The following SLC4A10 variants were observed in gnomAD, a reference collection of about 807,000 sequenced individuals.
SLC4A10 encodes solute carrier family 4 member 10.
SLC4A10 carries 42 observed loss-of-function variants against 137.7 expected under a neutral mutation model. The ratio of observed to expected loss-of-function variants is 0.30; its 90% CI spans 0.24 to 0.39. SLC4A10 has a LOEUF of 0.39. Among genes scored for constraint, SLC4A10 ranks in the 10% least tolerant of loss-of-function variants. SLC4A10 has a pLI of 1.00. For missense variants in SLC4A10, 925 were observed against 1,355.0 expected (o/e 0.68, Z 4.98); for synonymous variants, 474 against 464.1 (o/e 1.02, Z -0.27).
intron 1 of SLC4A10, among the ~76,000 whole-genome samples, chr2:161,735,878 T>C (rs1400200652): frequency 6.6e-6 from 1 of 152,094 alleles, no homozygotes; most frequent in Non-Finnish European, 1.5e-5. Flanking sequence ...GTATCAAAAA[T>C]ATTAAAGAAG....
At chr2:161,883,540 C>T (rs1335638052) in intron 10 of SLC4A10, among the ~76,000 whole-genome samples, 1 of 152,148 alleles carries the variant, frequency 6.6e-6, no homozygotes, top group African/African-American at 2.4e-5. Context: ...TATTAGTTTA[C>T]AACGACTGCC....
intron 1 of SLC4A10, among the ~76,000 whole-genome samples, chr2:161,694,142 C>T (rs2042263496): frequency 6.6e-6 from 1 of 151,906 alleles, no homozygotes; most frequent in African/African-American, 2.4e-5. Flanking sequence ...TGATACATAT[C>T]ATTTATTATT....
intron 1 of SLC4A10, among the ~76,000 whole-genome samples, chr2:161,683,010 T>C (rs2041027264): frequency 6.6e-6 from 1 of 151,974 alleles, no homozygotes; most frequent in Non-Finnish European, 1.5e-5. Context: ...TTATAATATA[T>C]AAATAAGTTT....
chr2:161,947,260 C>A (rs1478109370), intron 16 of SLC4A10, among the ~76,000 whole-genome samples: 2 of 152,024 alleles, frequency 1.3e-5, no homozygotes, highest in Non-Finnish European at 2.9e-5. Flanking sequence ...TTCAATATAT[C>A]TCGTGTTAGG....
intron 1 of SLC4A10, among the ~76,000 whole-genome samples, chr2:161,768,231 C>A (rs941598764): frequency 2.0e-5 from 3 of 151,996 alleles, no homozygotes; most frequent in Non-Finnish European, 4.4e-5. Context: ...CCCACTGGAT[C>A]CACAGTGAGA....
At chr2:161,714,905 T>C (rs898219556) in intron 1 of SLC4A10, among the ~76,000 whole-genome samples, 2 of 151,990 alleles carry the variant, frequency 1.3e-5, no homozygotes, top group African/African-American at 4.8e-5. Context: ...AGTGCCTAGC[T>C]TTTGGTTATT....
intron 15 of SLC4A10, among the ~76,000 whole-genome samples, chr2:161,924,229 A>G (rs1469409701): frequency 6.6e-6 from 1 of 152,126 alleles, no homozygotes; most frequent in Non-Finnish European, 1.5e-5. Flanking sequence ...TCACCAATAC[A>G]GAGGAAGACA....
chr2:161,678,054 C>A (rs182063727), intron 1 of SLC4A10, among the ~76,000 whole-genome samples: 144 of 152,182 alleles, frequency 9.5e-4, no homozygotes, highest in African/African-American at 3.1e-3. Context: ...ACCTCATTTT[C>A]TTGCTTTTAT....
Position 161,697,317 on chromosome 2 carries a change from C to T in SLC4A10, c.48+72751C>T, listed in dbSNP as rs184978673. ...AGAAATTCTGTAGTTTAATTGGCTC[C>T]CATTTGTCAATTTTGGCTTTTGTTG... On this transcript the variant is annotated intron_variant, in intron 1 of 26. Coordinates refer to ENST00000446997, the MANE Select transcript of SLC4A10 (RefSeq NM_001178015.2). Among the ~76,000 whole-genome samples, 724 of 152,186 alleles carry T rather than the reference C, an allele frequency of 4.8e-3. 4 individuals are homozygous for T. Among genetic ancestry groups the T allele is most frequent in the Non-Finnish European group, 8.0e-3 (547 of 68,008 alleles).
intron 16 of SLC4A10, among the ~76,000 whole-genome samples, chr2:161,947,059 C>T (rs2105794941): frequency 6.6e-6 from 1 of 152,208 alleles, no homozygotes; most frequent in East Asian, 1.9e-4. Flanking sequence ...GCTCTGCGGC[C>T]ACCCACCAGT....
In SLC4A10 at chr2:161,655,293, T is replaced by C. The variant is rs145015642; in HGVS notation, c.48+30727T>C. On this transcript the variant is annotated intron_variant, in intron 1 of 26. Coordinates refer to ENST00000446997, the MANE Select transcript of SLC4A10 (RefSeq NM_001178015.2). The stretch of plus-strand genomic sequence containing the variant: ...TATTTAGGTTTGTCTATATATAAAA[T>C]CATGTTCTCAAGAAACAGAGACAAT... 6.6e-3 allele frequency among the ~76,000 whole-genome samples: 1,001 copies of C among 152,306 alleles called. 6 individuals carry two copies. Among genetic ancestry groups the C allele is most frequent in the African/African-American group, 0.023 (947 of 41,560 alleles).
intron 1 of SLC4A10, among the ~76,000 whole-genome samples, chr2:161,685,067 T>G (rs1309833381): frequency 6.6e-6 from 1 of 152,216 alleles, no homozygotes; most frequent in East Asian, 1.9e-4. Flanking sequence ...TTTCATGATT[T>G]GCAGTTGATC....
At chr2:161,776,591 CT>C (rs1236862809) in intron 2 of SLC4A10, among the ~76,000 whole-genome samples, 3 of 151,904 alleles carry the variant, frequency 2.0e-5, no homozygotes, top group Admixed American at 1.3e-4. Flanking sequence ...CACATTTCCC[CT>C]GTCCTTTCAA....
At chr2:161,813,714 T>A (rs896188516) in intron 3 of SLC4A10, among the ~76,000 whole-genome samples, 3 of 152,124 alleles carry the variant, frequency 2.0e-5, no homozygotes, top group Non-Finnish European at 2.9e-5. Flanking sequence ...ATTTATATCA[T>A]CTTACAAGTA....
chr2:161,709,821 G>A (rs942110444), intron 1 of SLC4A10: 3 of 151,550 alleles, frequency 2.0e-5, no homozygotes, highest in Non-Finnish European at 4.4e-5. Flanking sequence ...TTCAGATTTT[G>A]AAGGAAATAT....
intron 15 of SLC4A10, among the ~76,000 whole-genome samples, chr2:161,938,070 A>T (rs1418025960): frequency 1.3e-5 from 2 of 152,134 alleles, no homozygotes; most frequent in African/African-American, 4.8e-5. Flanking sequence ...GCCAGGAGTT[A>T]GAGGCCAGCT....
intron 2 of SLC4A10, among the ~76,000 whole-genome samples, chr2:161,802,267 C>T (rs1298419774): frequency 2.6e-5 from 4 of 152,016 alleles, no homozygotes; most frequent in Admixed American, 6.6e-5. Flanking sequence ...TACATAATAT[C>T]GGATTTTTTT....
intron 2 of SLC4A10, among the ~76,000 whole-genome samples, chr2:161,778,582 CTAAT>C (rs766604467): frequency 1.3e-5 from 2 of 151,760 alleles, no homozygotes; most frequent in Non-Finnish European, 2.9e-5. Flanking sequence ...AATTAGGTGC[CTAAT>C]TAATGTTCAT....
At chr2:161,797,611 T>C (rs1266327475) in intron 2 of SLC4A10, among the ~76,000 whole-genome samples, 2 of 151,894 alleles carry the variant, frequency 1.3e-5, no homozygotes, top group Admixed American at 6.6e-5. Context: ...TTTTATAATA[T>C]ACCAAAATTG....
Sources: gnomAD v4.1 joint callset for allele counts (sites outside exome capture counted in the v4.1 genomes callset) on GRCh38, gnomAD v4.1.1 for gene constraint, MANE v1.5 for transcripts, NCBI Gene and HGNC (gene_info 2026-07-23, HGNC 2026-07-21) for gene names.